NISCH: variants seen among roughly 807,000 people sequenced by gnomAD.
The protein encoded by NISCH is I-1 receptor candidate protein.
NISCH carries 55 observed loss-of-function variants against 138.4 expected under a neutral mutation model. The observed-to-expected ratio is 0.40, with a 90% CI of 0.32 to 0.50. The LOEUF (loss-of-function observed/expected upper bound fraction) is 0.50. NISCH is among the 20% of genes least tolerant of loss of function. The pLI is 0.71. For missense variants in NISCH, 1,643 were observed against 2,005.5 expected, an observed-to-expected ratio of 0.82 and a Z score of 3.45; for synonymous variants, 860 against 861.5, an observed-to-expected ratio of 1.00 and a Z score of 0.03.
chr3:52,474,296 G>T (rs576905093), intron 7 of NISCH, among the ~76,000 whole-genome samples: 1 of 151,768 alleles, frequency 6.6e-6, no homozygotes, highest in Non-Finnish European at 1.5e-5. Flanking sequence ...GTTTTTTGTT[G>T]TTGTTGTTGT....
Position 52,455,707 on chromosome 3 carries a change from G to A in NISCH, c.66G>A (p.Val22=). The change falls in exon 1 of 21, where the codon GTG becomes GTA. Residue 22 remains valine (V), a synonymous_variant. Coordinates refer to ENST00000345716, the MANE Select transcript of NISCH (RefSeq NM_007184.4). ...EAEPAKEARV[V]GSELVDTYTV... is the part of the protein sequence containing the mutation. ...AGCCGGCCAAGGAAGCGCGCGTCGT[G>A]GGCTCGGAGCTTGTGGACACTTATA... 1 of 1,367,862 alleles carries A rather than the reference G, an allele frequency of 7.3e-7. No individual in the cohort carries two copies. Among genetic ancestry groups the A allele is most frequent in the Non-Finnish European group, 9.5e-7 (1 of 1,049,836 alleles). The allele number at this position is 1,367,862 out of a possible 1,614,324, so 84.7% of individuals were successfully genotyped here. A position where few individuals can be genotyped will look rare whatever the true frequency, so the allele number is the denominator to read the frequency against.
rs372252355 is a variant in NISCH, at chr3:52,490,066, C to G, written c.3457-9C>G. 1.2e-6 allele frequency: 2 copies of G among 1,613,308 alleles called. No individual in the cohort carries two copies. ...GTGGTGGAGCTGACAGGAGGCCCCC[C>G]GTCTTCAGGTTGAAAACGAGGAGCT... On this transcript the variant is annotated splice_polypyrimidine_tract_variant and intron_variant, in intron 17 of 20. Transcript: ENST00000345716.
chr3:52,462,374 A>C (rs1242225255), intron 3 of NISCH, among the ~76,000 whole-genome samples: 3 of 152,182 alleles, frequency 2.0e-5, no homozygotes, highest in Non-Finnish European at 2.9e-5. Context: ...ATGGCAACTA[A>C]AGATGTCTCC....
Position 52,492,204 on chromosome 3 carries a change from G to A in NISCH, c.4237G>A (p.Val1413Ile), listed in dbSNP as rs777918537. Reference protein sequence around the residue: ...DRYRLDDGRRVRDLDRVLMGY... With the variant: ...DRYRLDDGRRIRDLDRVLMGY... ...GTACCGGCTGGACGATGGCCGCCGCGTCCGGGACCTGGACCGAGTGCTCAT... is the reference window on the plus strand; with the variant it reads ...GTACCGGCTGGACGATGGCCGCCGCATCCGGGACCTGGACCGAGTGCTCAT... The change falls in exon 21 of 21, where the codon GTC becomes ATC. Residue 1413 changes from valine (V) to isoleucine (I), a missense_variant. Val to Ile is a conservative substitution (Grantham distance 29). Coordinates refer to ENST00000345716, the MANE Select transcript of NISCH (RefSeq NM_007184.4). 53 of 1,612,982 alleles carry A rather than the reference G, an allele frequency of 3.3e-5. No homozygotes were observed. Among genetic ancestry groups the A allele is most frequent in the African/African-American group, 4.0e-5 (3 of 74,938 alleles).
At chr3:52,460,322 C>T (rs1048218256) in intron 3 of NISCH, among the ~76,000 whole-genome samples, 1 of 151,700 alleles carries the variant, frequency 6.6e-6, no homozygotes, top group African/African-American at 2.4e-5. Flanking sequence ...ATCCCAGCAG[C>T]ACACCAGTCT....
Position 52,487,571 on chromosome 3 carries a change from C to T in NISCH, c.2079C>T (p.Ala693=), listed in dbSNP as rs780604658. ...AEEERLALEW[A]LGADEDFLLE... ...AGGAGCGCCTGGCTCTGGAATGGGC[C>T]CTGGGCGCGGACGAGGACTTCCTGC... is the stretch of plus-strand genomic sequence containing the variant. Residue 693 remains alanine (A), a synonymous_variant, in exon 16 of 21, where the codon GCC becomes GCT. Coordinates refer to ENST00000345716, the MANE Select transcript of NISCH (RefSeq NM_007184.4). The surrounding 1 kb of genome is among the most constrained non-coding windows in gnomAD (Gnocchi z 9.1). 6.2e-7 allele frequency: 1 copy of T among 1,612,738 alleles called. No individual in the cohort carries two copies. Among genetic ancestry groups the T allele is most frequent in the Non-Finnish European group, 8.5e-7 (1 of 1,179,066 alleles).
intron 13 of NISCH, among the ~76,000 whole-genome samples, chr3:52,482,777 GAGAGGCATGCATGAGCGAATGCTGGGGA>G (rs1707310827): frequency 6.6e-6 from 1 of 152,202 alleles, no homozygotes; most frequent in Non-Finnish European, 1.5e-5. Context: ...GGTAAATAAC[GAGAGGCATGCATGAGCGAATGCTGGGGA>G]GGCGCTTGGC....
At chr3:52,479,997 G>T in intron 12 of NISCH, 135 bp downstream of exon 12, 1 of 953,192 alleles carries the variant, frequency 1.0e-6, no homozygotes. Context: ...GCATGACCTC[G>T]GGCAAGTCGC....
intron 3 of NISCH, among the ~76,000 whole-genome samples, chr3:52,467,069 C>T (rs899399778): frequency 4.9e-5 from 7 of 144,080 alleles, no homozygotes; most frequent in Admixed American, 7.3e-5. Flanking sequence ...GATGCAATCT[C>T]GGCTCACTGC....
In NISCH at chr3:52,478,432, G is replaced by A. The variant is rs200757695; in HGVS notation, c.1174-17G>A. ...TTAAGAGAAGGGACCAAAGGGGATG[G>A]AACTCATACCTTGCAGATGGAGGAG... On this transcript the variant is annotated splice_polypyrimidine_tract_variant and intron_variant, in intron 10 of 20. Coordinates refer to ENST00000345716, the MANE Select transcript of NISCH (RefSeq NM_007184.4). The A allele has an allele frequency of 1.1e-4, 174 of 1,614,090 alleles. No individual in the cohort carries two copies. The highest frequency in any genetic ancestry group is 1.4e-4 in the Non-Finnish European group (166 of 1,180,034).
chr3:52,480,407 C>A (rs1298034082), intron 13 of NISCH, 112 bp downstream of exon 13: 2 of 1,553,614 alleles, frequency 1.3e-6, no homozygotes, highest in African/African-American at 2.7e-5. Flanking sequence ...CAGGGTCAGA[C>A]ACAGGGAGGG....
intron 1 of NISCH, among the ~76,000 whole-genome samples, chr3:52,457,313 T>TCAA (rs1271097920): frequency 2.0e-5 from 3 of 152,334 alleles, no homozygotes; most frequent in African/African-American, 7.2e-5. Context: ...TGTGCCTTGA[T>TCAA]TCCTGGCTCA....
Position 52,478,500 on chromosome 3 carries a change from C to G in NISCH, c.1225C>G (p.Leu409Val), listed in dbSNP as rs765997315. 1 of 1,614,236 alleles carries G rather than the reference C, an allele frequency of 6.2e-7. No individual in the cohort carries two copies. Among genetic ancestry groups the G allele is most frequent in the Admixed American group, 1.7e-5 (1 of 60,028 alleles). ...CCTCCCGTGTCTGGAGCACGTGTCTCTGCTGAACAACCCTCTGAGCATCAT... is the reference window on the plus strand; with the variant it reads ...CCTCCCGTGTCTGGAGCACGTGTCTGTGCTGAACAACCCTCTGAGCATCAT... ...GSLPCLEHVS[L>V]LNNPLSIIPD... Residue 409 changes from leucine to valine, a missense_variant, in exon 11 of 21, where the codon CTG becomes GTG. Leu to Val is a conservative substitution (Grantham distance 32, BLOSUM62 1). Transcript: ENST00000345716.
chr3:52,487,466 GC>G lies in NISCH; in HGVS notation c.1979del (p.Pro660GlnfsTer56). 1 of 1,602,400 alleles carries G rather than the reference GC, an allele frequency of 6.2e-7. No individual in the cohort carries two copies. Among genetic ancestry groups the G allele is most frequent in the Non-Finnish European group, 8.5e-7 (1 of 1,171,792 alleles). On this transcript the variant is annotated frameshift_variant, in exon 16 of 21. Coordinates refer to ENST00000345716, the MANE Select transcript of NISCH (RefSeq NM_007184.4). LOFTEE classifies it high-confidence loss of function. The surrounding 1 kb of genome is among the most constrained non-coding windows in gnomAD (Gnocchi z 9.1). The stretch of plus-strand genomic sequence containing the variant: ...CTGAGAACCGCTACTTTGAAATGGG[GC>G]CCCCAGACGTGGAGGAGGAGGAGGG... Reference protein sequence around the residue: ...VAENRYFEMGPPDVEEEEGGG... With the variant: ...VAENRYFEMGXPDVEEEEGGG...
At chr3:52,481,329 C>T in intron 13 of NISCH, 1 of 1,002,174 alleles carries the variant, frequency 1.0e-6, no homozygotes, top group Non-Finnish European at 1.2e-6. Context: ...AGGCCCAACG[C>T]AGAGCAGCAC....
rs1707255908 is a variant in NISCH at position 52,481,011 on chromosome 3, C to A, written c.1528+716C>A. ...GACACGCAGGAAAGGACGCCGCCTG[C>A]CCGGGCTCCTGGAGACGCAGAACTT... On this transcript the variant is annotated intron_variant, in intron 13 of 20. Coordinates refer to ENST00000345716, the MANE Select transcript of NISCH (RefSeq NM_007184.4). The A allele has an allele frequency of 6.4e-6, 9 of 1,399,350 alleles. No individual in the cohort carries two copies. In the South Asian group the frequency reaches 1.3e-4, roughly 21 times the overall value. 86.7% of individuals were successfully genotyped at this position (1,399,350 alleles called of 1,614,324 possible).
At chr3:52,471,108 C>T (rs925002578) in intron 4 of NISCH, among the ~76,000 whole-genome samples, 5 of 152,136 alleles carry the variant, frequency 3.3e-5, no homozygotes, top group East Asian at 1.9e-4. Context: ...TGTTCCAAAG[C>T]GCTGTGGTGG....
chr3:52,476,169 CA>C (rs956325883), intron 7 of NISCH: 6 of 385,778 alleles, frequency 1.6e-5, no homozygotes, highest in Non-Finnish European at 2.4e-5. Flanking sequence ...AAGGCATCAC[CA>C]GGTCACCAGG....
At chr3:52,457,966 G>A in intron 2 of NISCH, 40 bp downstream of exon 2, 1 of 1,485,544 alleles carries the variant, frequency 6.7e-7, no homozygotes, top group Non-Finnish European at 9.4e-7. Context: ...TCAGGGCTGG[G>A]GGACCCGTAG....
Sources: gnomAD v4.1 joint callset for allele counts (sites outside exome capture counted in the v4.1 genomes callset) on GRCh38, gnomAD v4.1.1 for gene constraint, Gnocchi (gnomAD v3.1) non-coding constraint, MANE v1.5 for transcripts, NCBI Gene and HGNC (gene_info 2026-07-23, HGNC 2026-07-21) for gene names.